Variants in PCDH15 observed in about 807,000 individuals in gnomAD.
The protein encoded by PCDH15 is protocadherin-15.
Under a neutral mutation model 178.5 loss-of-function variants are expected in PCDH15, and 129 were observed. That is an observed-to-expected ratio of 0.72 (90% CI 0.63 to 0.84). The LOEUF is 0.84. Ranked by LOEUF, PCDH15 falls within the 40% of genes least tolerant of loss-of-function variation. The pLI is 0.00. For missense variants in PCDH15, 2,230 were observed against 2,099.9 expected, an observed-to-expected ratio of 1.06 and a Z score of -1.21; for synonymous variants, 800 against 732.0, an observed-to-expected ratio of 1.09 and a Z score of -1.50.
intron 14 of PCDH15, among the ~76,000 whole-genome samples, chr10:54,141,645 TATTAAC>T (rs138497829): frequency 0.015 from 2,348 of 152,322 alleles, 74 homozygotes; most frequent in African/African-American, 0.054. Context: ...TGTTTACCAC[TATTAAC>T]ATTAAGTGAC....
chr10:54,958,810 G>A (rs1838563541), intron 2 of PCDH15, among the ~76,000 whole-genome samples: 1 of 151,604 alleles, frequency 6.6e-6, no homozygotes, highest in Non-Finnish European at 1.5e-5. Flanking sequence ...AATACTTAAA[G>A]CAAAACTTCT....
intron 2 of PCDH15, among the ~76,000 whole-genome samples, chr10:54,551,074 G>A (rs1407099501): frequency 7.1e-6 from 1 of 141,348 alleles, no homozygotes; most frequent in Non-Finnish European, 1.5e-5. Context: ...AGAATCTCCT[G>A]TACCTGGGAG....
At chr10:54,818,330 G>A (rs192596472) in intron 3 of PCDH15, among the ~76,000 whole-genome samples, 5 of 151,980 alleles carry the variant, frequency 3.3e-5, no homozygotes, top group East Asian at 1.9e-4. Context: ...GTGGCAAATC[G>A]TGCTTTCCAG....
chr10:54,564,629 A>T (rs2088726580), intron 2 of PCDH15, among the ~76,000 whole-genome samples: 1 of 152,140 alleles, frequency 6.6e-6, no homozygotes, highest in Non-Finnish European at 1.5e-5. Flanking sequence ...AAATTAGAAA[A>T]GGGCTTTTTA....
intron 2 of PCDH15, among the ~76,000 whole-genome samples, chr10:55,080,369 G>A (rs1484798497): frequency 1.3e-5 from 2 of 152,076 alleles, no homozygotes; most frequent in Non-Finnish European, 2.9e-5. Context: ...CCCCTTATGA[G>A]AATCTAACTA....
intron 3 of PCDH15, among the ~76,000 whole-genome samples, chr10:54,864,100 T>C (rs1383931069): frequency 1.3e-5 from 2 of 152,194 alleles, no homozygotes; most frequent in Non-Finnish European, 2.9e-5. Flanking sequence ...ATAAATTTCT[T>C]AATATAACAG....
chr10:54,217,397 T>C (rs896506287), intron 9 of PCDH15, among the ~76,000 whole-genome samples: 2 of 152,152 alleles, frequency 1.3e-5, no homozygotes, highest in Admixed American at 1.3e-4. Flanking sequence ...AGTTAAGCTA[T>C]CTACAGTAAT....
chr10:54,814,495 T>A (rs1042618110), intron 3 of PCDH15, among the ~76,000 whole-genome samples: 1 of 152,160 alleles, frequency 6.6e-6, no homozygotes. Flanking sequence ...TTATACCACA[T>A]TTTACAGAAC....
At chr10:55,151,087 T>C (rs1365451364) in intron 2 of PCDH15, among the ~76,000 whole-genome samples, 1 of 152,080 alleles carries the variant, frequency 6.6e-6, no homozygotes, top group Non-Finnish European at 1.5e-5. Flanking sequence ...CCATTGTGCC[T>C]TTCGTAGATC....
In PCDH15 at chr10:53,808,770, T is replaced by C. The variant is rs145178582; in HGVS notation, c.4672-1640A>G. 4.4e-4 allele frequency: 705 copies of C among 1,612,516 alleles called. 6 individuals carry two copies. In the African/African-American group the frequency reaches 8.4e-3, roughly 19 times the overall value. On this transcript the variant is annotated intron_variant, in intron 37 of 37. Transcript: ENST00000644397. ...TTGCATTCTTGCTTCTGTCATACGC[T>C]GGTACCTGATAGCCCCATGGACCTC...
At chr10:54,748,051 C>T (rs1009286481) in intron 1 of PCDH15, among the ~76,000 whole-genome samples, 12 of 151,970 alleles carry the variant, frequency 7.9e-5, no homozygotes, top group African/African-American at 1.9e-4. Flanking sequence ...GTGATCCACC[C>T]GCCCCCGCCT....
chr10:53,924,490 G>T (rs1177001151), intron 25 of PCDH15, among the ~76,000 whole-genome samples: 1 of 151,578 alleles, frequency 6.6e-6, no homozygotes, highest in African/African-American at 2.4e-5. Flanking sequence ...TGCAGCCTGA[G>T]CCTCCCCAAC....
intron 2 of PCDH15, among the ~76,000 whole-genome samples, chr10:55,069,033 G>A (rs1328241162): frequency 6.6e-6 from 1 of 151,250 alleles, no homozygotes; most frequent in Non-Finnish European, 1.5e-5. Context: ...AAGTAGCTGG[G>A]ATTACAGGTA....
chr10:55,556,982 G>T (rs890451462), intron 2 of PCDH15, among the ~76,000 whole-genome samples: 1 of 152,062 alleles, frequency 6.6e-6, no homozygotes, highest in African/African-American at 2.4e-5. Flanking sequence ...CAGAGGGAAG[G>T]TTTCTTCACC....
At chr10:54,688,948 T>C (rs1308477072) in intron 1 of PCDH15, among the ~76,000 whole-genome samples, 2 of 152,058 alleles carry the variant, frequency 1.3e-5, no homozygotes, top group Non-Finnish European at 2.9e-5. Context: ...AAAATAAGGT[T>C]AATAATCCTA....
At chr10:54,982,666 C>G (rs1219867486) in intron 2 of PCDH15, among the ~76,000 whole-genome samples, 1 of 152,078 alleles carries the variant, frequency 6.6e-6, no homozygotes, top group African/African-American at 2.4e-5. Context: ...ATGGTTGTTA[C>G]AGTGAAGATT....
intron 2 of PCDH15, among the ~76,000 whole-genome samples, chr10:55,075,612 C>G (rs764612974): frequency 1.3e-5 from 2 of 152,086 alleles, no homozygotes; most frequent in African/African-American, 2.4e-5. Context: ...ATCTAGCCGC[C>G]TCAGGCTCCC....
intron 2 of PCDH15, among the ~76,000 whole-genome samples, chr10:55,479,770 A>G (rs1302872747): frequency 6.6e-6 from 1 of 151,652 alleles, no homozygotes; most frequent in Non-Finnish European, 1.5e-5. Flanking sequence ...TACAGATTCC[A>G]CCAAAAAAAG....
intron 13 of PCDH15, among the ~76,000 whole-genome samples, chr10:54,163,175 A>T (rs2045884439): frequency 6.6e-6 from 1 of 152,194 alleles, no homozygotes; most frequent in South Asian, 2.1e-4. Flanking sequence ...TTCTGTATGC[A>T]CACAATATAC....
Sources: gnomAD v4.1 joint callset for allele counts (sites outside exome capture counted in the v4.1 genomes callset) on GRCh38, gnomAD v4.1.1 for gene constraint, MANE v1.5 for transcripts, NCBI Gene and HGNC (gene_info 2026-07-23, HGNC 2026-07-21) for gene names.